TCF25: variants seen among roughly 807,000 people sequenced by gnomAD.
TCF25 encodes ribosome quality control complex subunit TCF25.
TCF25 carries 41 observed loss-of-function variants against 83.1 expected under a neutral mutation model. The ratio of observed to expected loss-of-function variants is 0.49; its 90% CI spans 0.38 to 0.64. The LOEUF is 0.64. TCF25 is among the 30% of genes least tolerant of loss of function. The pLI is 0.00. For missense variants in TCF25, 979 were observed against 914.5 expected (o/e 1.07, Z -0.91); for synonymous variants, 458 against 365.0 (o/e 1.25, Z -2.90).
intron 9 of TCF25, among the ~76,000 whole-genome samples, chr16:89,897,235 G>A (rs1004537108): frequency 1.3e-5 from 2 of 152,226 alleles, no homozygotes; most frequent in African/African-American, 2.4e-5. Flanking sequence ...CTGAGCGACC[G>A]CATGTGGAGG....
At chr16:89,893,920 C>T (rs151284089) in intron 7 of TCF25, 62 bp downstream of exon 7, 67 of 1,544,498 alleles carry the variant, frequency 4.3e-5, no homozygotes, top group Middle Eastern at 4.5e-4. Context: ...TGCCCTGGGC[C>T]GCCTGCTTCC....
Position 89,883,616 on chromosome 16 carries a change from G to A in TCF25, c.354+104G>A, listed in dbSNP as rs956235365. The A allele has an allele frequency of 2.2e-5, 31 of 1,393,860 alleles. No individual in the cohort carries two copies. In the African/African-American group the frequency reaches 2.3e-4, roughly 10 times the overall value. 86.3% of individuals were successfully genotyped at this position (1,393,860 alleles called of 1,614,324 possible). ...ATTTTCCTTGGAGGTGTAATTTTCC[G>A]AGTTCCATTTTGGTTACCTGCTAGT... is the stretch of plus-strand genomic sequence containing the variant. On this transcript the variant is annotated intron_variant, in intron 2 of 17. Transcript: ENST00000263346.
intron 13 of TCF25, chr16:89,904,595 A>T (rs2044619100): frequency 4.1e-6 from 2 of 483,116 alleles, no homozygotes; most frequent in Non-Finnish European, 7.7e-6. Flanking sequence ...AAAATAAACA[A>T]AGAGGGAGCA....
intron 1 of TCF25, among the ~76,000 whole-genome samples, chr16:89,880,644 C>T (rs1032826025): frequency 2.6e-5 from 4 of 152,096 alleles, no homozygotes; most frequent in Non-Finnish European, 5.9e-5. Flanking sequence ...GTCCCAGCTC[C>T]TGGGGAGGCT....
chr16:89,874,069 G>T (rs1260648892), intron 1 of TCF25, among the ~76,000 whole-genome samples: 1 of 148,382 alleles, frequency 6.7e-6, no homozygotes, highest in Admixed American at 6.7e-5. Flanking sequence ...GCGGGCCGCG[G>T]AGTTAGACTG....
At chr16:89,902,645 C>T (rs1427166601) in intron 12 of TCF25, among the ~76,000 whole-genome samples, 8 of 145,698 alleles carry the variant, frequency 5.5e-5, no homozygotes, top group East Asian at 4.7e-4. Context: ...GCCGAGATCG[C>T]GCCACTGCAC....
At position 89,904,945 on chromosome 16, in the gene TCF25, C is replaced by T; in HGVS notation, c.1477C>T (p.Pro493Ser). ...GCCCTTGCTCTCCCCCAGCCAGCCC[C>T]CTGCCCTGAGCCAGCTGGTGAACCT... ...FGPNAEISQP[P>S]ALSQLVNLYL... The change falls in exon 14 of 18, where the codon CCT (proline) becomes TCT (serine). Residue 493 changes from proline (P) to serine (S), a missense_variant. Transcript: ENST00000263346. 3.1e-6 allele frequency: 5 copies of T among 1,606,532 alleles called. No homozygotes were observed. Among genetic ancestry groups the T allele is most frequent in the Non-Finnish European group, 4.2e-6 (5 of 1,177,014 alleles).
intron 17 of TCF25, 70 bp downstream of exon 17, chr16:89,910,733 T>TGGTTCAA: frequency 6.6e-7 from 1 of 1,524,312 alleles, no homozygotes; most frequent in Non-Finnish European, 9.1e-7. Context: ...TGCGAATGCC[T>TGGTTCAA]GGAGCCTCCT....
chr16:89,910,774 A>G, intron 17 of TCF25, 111 bp downstream of exon 17: 1 of 1,283,078 alleles, frequency 7.8e-7, no homozygotes, highest in South Asian at 1.2e-5. Context: ...CGGCACAGGG[A>G]GCAGGGAAGG....
chr16:89,895,528 A>C (rs1367316389), intron 8 of TCF25, among the ~76,000 whole-genome samples: 1 of 152,192 alleles, frequency 6.6e-6, no homozygotes, highest in Non-Finnish European at 1.5e-5. Flanking sequence ...TTTACAATGA[A>C]GTTTTCAAGG....
At position 89,910,631 on chromosome 16, in the gene TCF25, T is replaced by C; in HGVS notation, c.1840T>C (p.Phe614Leu). 1.2e-6 allele frequency: 2 copies of C among 1,613,712 alleles called. No homozygotes were observed. Among genetic ancestry groups the C allele is most frequent in the Non-Finnish European group, 1.7e-6 (2 of 1,179,968 alleles). ...ISHGNTIALFFRSLLPNYTME... is the reference protein window; with the variant it reads ...ISHGNTIALFLRSLLPNYTME... The stretch of plus-strand genomic sequence containing the variant: ...CCATGGAAACACCATTGCTCTCTTC[T>C]TCCGGTCACTGTTGCCAAACTATAC... The change falls in exon 17 of 18, where the codon TTC (phenylalanine) becomes CTC (leucine). Residue 614 changes from phenylalanine (F) to leucine (L), a missense_variant. Transcript: ENST00000263346.
chr16:89,877,526 G>T (rs539581238), intron 1 of TCF25, among the ~76,000 whole-genome samples: 2 of 152,088 alleles, frequency 1.3e-5, no homozygotes, highest in Non-Finnish European at 2.9e-5. Flanking sequence ...CTTTATCATC[G>T]TAAATTTTAA....
intron 15 of TCF25, 133 bp downstream of exon 15, chr16:89,906,417 C>T (rs1334262398): frequency 1.5e-5 from 12 of 824,164 alleles, no homozygotes; most frequent in Non-Finnish European, 2.4e-5. Context: ...ACGGCAGGGG[C>T]AGGGTCTAGT....
At position 89,900,152 on chromosome 16, in the gene TCF25, C is replaced by G. The variant is rs553773933; in HGVS notation, c.1222-483C>G. Among the ~76,000 whole-genome samples, 23 of 152,172 alleles carry G rather than the reference C, an allele frequency of 1.5e-4. No individual in the cohort carries two copies. The South Asian group carries it at 4.2e-3, about 27-fold the overall frequency. ...TTTGATAGAAAAAAATGCAGTGAGT[C>G]ACATGTCTACAATATGTGACATAGG... On this transcript the variant is annotated intron_variant, in intron 11 of 17. Transcript: ENST00000263346.
At chr16:89,910,384 G>A in intron 16 of TCF25, 1 of 601,644 alleles carries the variant, frequency 1.7e-6, no homozygotes, top group South Asian at 2.0e-5. Context: ...TGTTCCCGCT[G>A]TCCACAGCCC....
At chr16:89,881,808 G>A (rs2042628148) in intron 1 of TCF25, among the ~76,000 whole-genome samples, 1 of 152,048 alleles carries the variant, frequency 6.6e-6, no homozygotes, top group East Asian at 1.9e-4. Context: ...AGGCTGGAGT[G>A]CAGTGGCATA....
At chr16:89,883,691 GA>G in intron 2 of TCF25, 179 bp downstream of exon 2, 2 of 697,048 alleles carry the variant, frequency 2.9e-6, no homozygotes, top group East Asian at 5.6e-5. Flanking sequence ...TGAAATGAGT[GA>G]AGGTCGCAGG....
intron 12 of TCF25, 137 bp downstream of exon 12, chr16:89,900,931 A>G (rs1227028124): frequency 3.0e-6 from 3 of 1,010,978 alleles, no homozygotes; most frequent in African/African-American, 3.2e-5. Context: ...AGGGCCTGCA[A>G]ACCTGCCCTA....
At chr16:89,899,029 G>T (rs1023473671) in intron 11 of TCF25, among the ~76,000 whole-genome samples, 157 bp downstream of exon 11, 12 of 152,224 alleles carry the variant, frequency 7.9e-5, no homozygotes, top group Non-Finnish European at 1.3e-4. Context: ...TGTCTCCCTT[G>T]CCGCCTCTAC....
Sources: allele counts gnomAD v4.1 joint callset (sites outside exome capture counted in the v4.1 genomes callset), GRCh38; gene constraint gnomAD v4.1.1; transcripts MANE v1.5; gene names NCBI Gene and HGNC (gene_info 2026-07-23, HGNC 2026-07-21).